The following DNAH1 variants were observed in gnomAD, a reference collection of about 807,000 sequenced individuals.
DNAH1 encodes the protein dynein axonemal heavy chain 1.
A neutral mutation model predicts 484.3 loss-of-function variants in DNAH1; 327 were observed. That is an observed-to-expected ratio of 0.68 (90% CI 0.62 to 0.74). DNAH1 has a LOEUF of 0.74. DNAH1 is among the 30% of genes least tolerant of loss of function. The pLI, the probability that DNAH1 is intolerant of heterozygous loss-of-function variation, is 0.00. For synonymous variants in DNAH1, 2,192 were observed against 2,191.9 expected, an observed-to-expected ratio of 1.00 and a Z score of 0.00; for missense variants, 5,052 against 5,546.8, an observed-to-expected ratio of 0.91 and a Z score of 2.83.
At position 52,395,286 on chromosome 3, in the gene DNAH1, G is replaced by C. The variant is rs767616163; in HGVS notation, c.10969-22G>C. ...CTCTCTGCAGCCCCAGGTGGTCTCA[G>C]CATCTCCCCCTGCCCTTGCAGACAG... is the stretch of plus-strand genomic sequence containing the variant. On this transcript the variant is annotated intron_variant, in intron 68 of 77. Transcript: ENST00000420323. The surrounding 1 kb of genome is among the most constrained non-coding windows in gnomAD (Gnocchi z 4.4). The C allele has an allele frequency of 6.2e-7, 1 of 1,609,606 alleles. No individual in the cohort carries two copies.
At position 52,386,319 on chromosome 3, in the gene DNAH1, A is replaced by C; in HGVS notation, c.8785A>C (p.Asn2929His). 1.3e-6 allele frequency: 2 copies of C among 1,591,116 alleles called. No homozygotes were observed. Among genetic ancestry groups the C allele is most frequent in the Non-Finnish European group, 1.7e-6 (2 of 1,169,290 alleles). ...GGATGCGGCTCTGGCCAGCCTGCGC[A>C]ACCTCAACAAGAACGATGTGACCGA... ...ALDAALASLR[N>H]LNKNDVTEVR... Residue 2929 changes from asparagine to histidine, a missense_variant, in exon 55 of 78, where the codon AAC (asparagine) becomes CAC (histidine). Physicochemically the swap from Asn to His is moderately conservative, Grantham distance 68. Around this residue, in one of 4 missense-constraint regions of DNAH1, gnomAD observed 2,929 missense variants for 3,409.4 expected, o/e 0.86. Transcript: ENST00000420323.
rs1702835354 is a variant in DNAH1, at chr3:52,361,049, C to A, written c.4686-115C>A. 1.9e-6 allele frequency: 2 copies of A among 1,068,242 alleles called. No homozygotes were observed. The highest frequency in any genetic ancestry group is 3.8e-5 in the Admixed American group (1 of 26,038). 66.2% of individuals were successfully genotyped at this position (1,068,242 alleles called of 1,614,324 possible). On this transcript the variant is annotated intron_variant, in intron 28 of 77. Coordinates refer to ENST00000420323, the MANE Select transcript of DNAH1 (RefSeq NM_015512.5). The surrounding 1 kb of genome is among the most constrained non-coding windows in gnomAD (Gnocchi z 5.6). The stretch of plus-strand genomic sequence containing the variant: ...GACCCCGGAGCCAGGGCTGGGCACA[C>A]CCCAGCCCACCAAAAGGGGACGGGG...
chr3:52,369,862 TG>T lies in DNAH1; in HGVS notation c.5983del (p.Ala1995LeufsTer29). 6.2e-7 allele frequency: 1 copy of T among 1,612,846 alleles called. No individual in the cohort carries two copies. On this transcript the variant is annotated frameshift_variant, in exon 38 of 78. Coordinates refer to ENST00000420323, the MANE Select transcript of DNAH1 (RefSeq NM_015512.5). LOFTEE classifies it high-confidence loss of function. ...ATGTTCGAGGTGCAAGACCTGGCGG[TG>T]GCTTCACCAGCTACAGTCTCCCGCT... ...TMMFEVQDLAVASPATVSRCG... is the reference protein window; with the variant it reads ...TMMFEVQDLAXASPATVSRCG...
In DNAH1 at chr3:52,384,807, C is replaced by T; in HGVS notation, c.8344C>T (p.His2782Tyr). 1.2e-6 allele frequency: 2 copies of T among 1,605,920 alleles called. No individual in the cohort carries two copies. The highest frequency in any genetic ancestry group is 8.5e-7 in the Non-Finnish European group (1 of 1,176,130). The change falls in exon 53 of 78, where the codon CAC becomes TAC. Residue 2782 changes from histidine to tyrosine, a missense_variant. His to Tyr is a moderately conservative substitution (Grantham distance 83, BLOSUM62 2). Transcript: ENST00000420323. ...CCAGATCCAGGTCTGTGTGTACATCCACCAGTCGGTGTCCAAGAAGTGCAT... is the reference window on the plus strand; with the variant it reads ...CCAGATCCAGGTCTGTGTGTACATCTACCAGTCGGTGTCCAAGAAGTGCAT... ...QGLIQVCVYIHQSVSKKCIEY... is the reference protein window; with the variant it reads ...QGLIQVCVYIYQSVSKKCIEY...
At chr3:52,383,813 T>C in intron 51 of DNAH1, 47 bp from the exon 52 acceptor site, 1 of 1,530,706 alleles carries the variant, frequency 6.5e-7, no homozygotes, top group Non-Finnish European at 8.8e-7. Context: ...GCTCCTGGGG[T>C]CGTTGGTCAG....
intron 48 of DNAH1, 78 bp downstream of exon 48, chr3:52,380,213 G>A (rs1703784652): frequency 1.6e-6 from 2 of 1,289,850 alleles, no homozygotes; most frequent in Non-Finnish European, 2.2e-6. Flanking sequence ...GCCCCCTGCA[G>A]TCACCACTAA....
intron 41 of DNAH1, among the ~76,000 whole-genome samples, 164 bp from the exon 42 acceptor site, chr3:52,371,782 G>A (rs534672670): frequency 3.9e-5 from 6 of 152,334 alleles, no homozygotes; most frequent in Middle Eastern, 6.8e-3. Flanking sequence ...AGAAAGCAGG[G>A]CACAGGACTT....
At position 52,391,275 on chromosome 3, in the gene DNAH1, G is replaced by A; in HGVS notation, c.9838G>A (p.Glu3280Lys). 1.2e-6 allele frequency: 2 copies of A among 1,613,472 alleles called. No individual in the cohort carries two copies. The highest frequency in any genetic ancestry group is 1.7e-6 in the Non-Finnish European group (2 of 1,179,678). The change falls in exon 62 of 78, where the codon GAG becomes AAG. Residue 3280 changes from glutamate (E) to lysine (K), a missense_variant. Glu to Lys is a moderately conservative substitution (Grantham distance 56). Around this residue, in one of 4 missense-constraint regions of DNAH1, gnomAD observed 2,929 missense variants for 3,409.4 expected, o/e 0.86. Transcript: ENST00000420323. ...CCGCTTTGGCAAGCCATGTCTCCTG[G>A]AGAACGTGGGCGAGGAGCTAGACCC... is the stretch of plus-strand genomic sequence containing the variant. ...AIRFGKPCLLENVGEELDPAL... is the reference protein window; with the variant it reads ...AIRFGKPCLLKNVGEELDPAL...
In DNAH1 at chr3:52,392,917, CTCT is replaced by C. The variant is rs774503260; in HGVS notation, c.10373_10375del (p.Phe3458del). On this transcript the variant is annotated inframe_deletion, in exon 65 of 78. Transcript: ENST00000420323. ...ACCCGTGGCCATCCGCACCCAGATC[CTCT>C]TCTTCTGTGTGTCCGACCTGGCCAA... 14 of 1,613,346 alleles carry C rather than the reference CTCT, an allele frequency of 8.7e-6. No individual in the cohort carries two copies. Among genetic ancestry groups the C allele is most frequent in the South Asian group, 3.3e-5 (3 of 91,052 alleles).
At chr3:52,326,611 G>T in intron 4 of DNAH1, 124 bp from the exon 5 acceptor site, 1 of 1,222,652 alleles carries the variant, frequency 8.2e-7, no homozygotes, top group Non-Finnish European at 1.1e-6. Context: ...GAGGGGTGGA[G>T]GGCTCCAGAG....
At chr3:52,336,426 C>T (rs186801666) in intron 8 of DNAH1, among the ~76,000 whole-genome samples, 90 of 152,184 alleles carry the variant, frequency 5.9e-4, no homozygotes, top group Non-Finnish European at 1.1e-3. Flanking sequence ...TGGTGGGGCG[C>T]GCCTATTGTC....
Position 52,395,551 on chromosome 3 carries a change from C to T in DNAH1, c.11132C>T (p.Pro3711Leu). The stretch of plus-strand genomic sequence containing the variant: ...TCAGTGCTCTTGCCCCTGCAGGGCC[C>T]TCGGGCAGAAGCCATGATGCGCAGC... ...SAISLGQGQG[P>L]RAEAMMRSSI... Residue 3711 changes from proline to leucine, a missense_variant, in exon 70 of 78, where the codon CCT (proline) becomes CTT (leucine). Physicochemically the swap from Pro to Leu is moderately conservative, Grantham distance 98. Transcript: ENST00000420323. This position sits in a 1 kb window ranked among gnomAD's most constrained non-coding sequence, Gnocchi z 4.4. The T allele has an allele frequency of 2.5e-6, 4 of 1,613,596 alleles. No homozygotes were observed. Among genetic ancestry groups the T allele is most frequent in the Non-Finnish European group, 3.4e-6 (4 of 1,179,878 alleles).
chr3:52,394,970 G>A lies in DNAH1; in HGVS notation c.10879G>A (p.Val3627Ile). 6.2e-7 allele frequency: 1 copy of A among 1,613,366 alleles called. No individual in the cohort carries two copies. The highest frequency in any genetic ancestry group is 8.5e-7 in the Non-Finnish European group (1 of 1,179,656). The change falls in exon 68 of 78, where the codon GTC (valine) becomes ATC (isoleucine). Residue 3627 changes from valine (V) to isoleucine (I), a missense_variant. Around this residue, in one of 4 missense-constraint regions of DNAH1, gnomAD observed 853 missense variants for 899.0 expected, o/e 0.95. Transcript: ENST00000420323. ...QYLDQFQKLL[V>I]LRCLRGDKVT... ...CCTAGACCAGTTCCAGAAGCTGCTA[G>A]TCCTCCGCTGCCTGCGTGGGGACAA...
At chr3:52,340,686 C>T (rs938172943) in intron 8 of DNAH1, among the ~76,000 whole-genome samples, 8 of 151,648 alleles carry the variant, frequency 5.3e-5, no homozygotes, top group Non-Finnish European at 7.4e-5. Flanking sequence ...CCACCCACCT[C>T]GGCCTCCCAA....
At chr3:52,326,657 G>T (rs533077183) in intron 4 of DNAH1, 78 bp from the exon 5 acceptor site, 1 of 1,506,268 alleles carries the variant, frequency 6.6e-7, no homozygotes, top group Admixed American at 2.0e-5. Flanking sequence ...CCACAACCCC[G>T]TAGGCCCTTG....
Position 52,391,042 on chromosome 3 carries a change from G to C in DNAH1, c.9729G>C (p.Trp3243Cys). The change falls in exon 61 of 78, where the codon TGG (tryptophan) becomes TGC (cysteine). Residue 3243 changes from tryptophan to cysteine, a missense_variant. Trp to Cys is a radical substitution (Grantham distance 215). Around this residue, in one of 4 missense-constraint regions of DNAH1, gnomAD observed 2,929 missense variants for 3,409.4 expected, o/e 0.86. Coordinates refer to ENST00000420323, the MANE Select transcript of DNAH1 (RefSeq NM_015512.5). The part of the protein sequence containing the change: ...FIDPQSQANK[W>C]IKNMEKDNGL... ...ACCCTCAGAGCCAGGCCAACAAATG[G>C]ATCAAGAACATGGTGAGCCCACCCA... The C allele has an allele frequency of 6.4e-7, 1 of 1,562,154 alleles. No homozygotes were observed. The highest frequency in any genetic ancestry group is 8.7e-7 in the Non-Finnish European group (1 of 1,153,010).
At chr3:52,374,315 C>T (rs1703487921) in intron 44 of DNAH1, 2 of 1,536,012 alleles carry the variant, frequency 1.3e-6, no homozygotes, top group Admixed American at 1.7e-5. Flanking sequence ...GGTGTTACTA[C>T]CTTTGCACAA....
rs771497112 is a variant in DNAH1 at position 52,332,367 on chromosome 3, G to A, written c.1259G>A (p.Ser420Asn). 37 of 1,613,754 alleles carry A rather than the reference G, an allele frequency of 2.3e-5. No individual in the cohort carries two copies. The highest frequency in any genetic ancestry group is 3.1e-5 in the Non-Finnish European group (37 of 1,179,902). ...SLSKIKQWAL[S>N]TPRMRKGPSV... The stretch of plus-strand genomic sequence containing the variant: ...AGCAAGATCAAGCAGTGGGCCCTGA[G>A]CACGCCTCGGATGCGCAAAGGCCCC... Residue 420 changes from serine to asparagine, a missense_variant, in exon 8 of 78, where the codon AGC becomes AAC. This residue lies in a region of DNAH1 where 1,263 missense variants were observed against 1,218.8 expected (regional missense o/e 1.04). Coordinates refer to ENST00000420323, the MANE Select transcript of DNAH1 (RefSeq NM_015512.5).
intron 8 of DNAH1, among the ~76,000 whole-genome samples, chr3:52,339,858 G>A (rs1701871162): frequency 6.6e-6 from 1 of 151,110 alleles, no homozygotes; most frequent in African/African-American, 2.4e-5. Flanking sequence ...GAGGGATGTG[G>A]GTCCTCCAAG....
Sources: allele counts gnomAD v4.1 joint callset (sites outside exome capture counted in the v4.1 genomes callset), GRCh38; gene constraint gnomAD v4.1.1; regional missense constraint gnomAD v4.1.1; non-coding constraint Gnocchi (gnomAD v3.1); transcripts MANE v1.5; gene names NCBI Gene and HGNC (gene_info 2026-07-23, HGNC 2026-07-21).